The following KLHL36 variants were observed in gnomAD, a reference collection of about 807,000 sequenced individuals.
KLHL36 encodes kelch-like protein 36.
KLHL36 carries 35 observed loss-of-function variants against 53.3 expected under a neutral mutation model. That is an observed-to-expected ratio of 0.66 (90% CI 0.50 to 0.87). The LOEUF is 0.87. KLHL36 is among the 40% of genes least tolerant of loss of function. The probability of loss-of-function intolerance (pLI) is 0.00; values close to 1 mark genes in which losing one functional copy is unlikely to be tolerated. For synonymous variants in KLHL36, 472 were observed against 398.9 expected, an observed-to-expected ratio of 1.18 and a Z score of -2.18; for missense variants, 864 against 897.6, an observed-to-expected ratio of 0.96 and a Z score of 0.48.
At chr16:84,650,424 T>G (rs1337880131) in intron 1 of KLHL36, among the ~76,000 whole-genome samples, 2 of 152,170 alleles carry the variant, frequency 1.3e-5, no homozygotes, top group African/African-American at 2.4e-5. Flanking sequence ...GAGATCAATA[T>G]CCTCATCTGT....
chr16:84,650,666 A>G (rs1017267077), intron 1 of KLHL36, among the ~76,000 whole-genome samples, 186 bp from the exon 2 acceptor site: 1 of 152,094 alleles, frequency 6.6e-6, no homozygotes, highest in Non-Finnish European at 1.5e-5. Flanking sequence ...TGTTCTGTCC[A>G]ATTCTAACAA....
In KLHL36 at chr16:84,662,702, G is replaced by A. The variant is rs1907629406; in HGVS notation, c.*569G>A. 6.6e-6 allele frequency: 1 copy of A among 152,620 alleles called. No individual in the cohort carries two copies. Among genetic ancestry groups the A allele is most frequent in the South Asian group, 2.1e-4 (1 of 4,852 alleles). The allele number at this position is 152,620 out of a possible 1,614,324, so 9.5% of individuals were successfully genotyped here. Reference sequence around the variant, plus strand: ...TCCAGTGTGTTTGTTTTATAAATGAGTGCACAGAGACCACCCATGAGGGTG... The same window carrying A: ...TCCAGTGTGTTTGTTTTATAAATGAATGCACAGAGACCACCCATGAGGGTG... On this transcript the variant is annotated 3_prime_UTR_variant, in exon 5 of 5. Coordinates refer to ENST00000564996, the MANE Select transcript of KLHL36 (RefSeq NM_024731.4).
intron 2 of KLHL36, among the ~76,000 whole-genome samples, chr16:84,654,639 G>C (rs1907096737): frequency 6.7e-6 from 1 of 149,270 alleles, no homozygotes; most frequent in Non-Finnish European, 1.5e-5. Context: ...TTTTGTTTTT[G>C]AGATGGCGTT....
intron 2 of KLHL36, among the ~76,000 whole-genome samples, chr16:84,652,246 C>T (rs761606582): frequency 6.6e-6 from 1 of 152,010 alleles, no homozygotes; most frequent in East Asian, 1.9e-4. Context: ...TAGGACTAGG[C>T]TTCTGTATCA....
Position 84,657,211 on chromosome 16 carries a change from G to C in KLHL36, c.404G>C (p.Cys135Ser), listed in dbSNP as rs1907258772. ...CAGATCTGGACGGTGGTAGACTTCT[G>C]CTGTGAGTACCTGGAGCAGGAGGTG... ...LLQIWTVVDFCCEYLEQEVSE... is the reference protein window; with the variant it reads ...LLQIWTVVDFSCEYLEQEVSE... The change falls in exon 3 of 5, where the codon TGC (cysteine) becomes TCC (serine). Residue 135 changes from cysteine (C) to serine (S), a missense_variant. Physicochemically the swap from Cys to Ser is moderately radical, Grantham distance 112 (BLOSUM62 -1). Coordinates refer to ENST00000564996, the MANE Select transcript of KLHL36 (RefSeq NM_024731.4). 1 of 1,614,180 alleles carries C rather than the reference G, an allele frequency of 6.2e-7. No homozygotes were observed. Among genetic ancestry groups the C allele is most frequent in the African/African-American group, 1.3e-5 (1 of 75,070 alleles).
At chr16:84,653,474 G>A (rs1261637625) in intron 2 of KLHL36, among the ~76,000 whole-genome samples, 1 of 151,894 alleles carries the variant, frequency 6.6e-6, no homozygotes, top group Admixed American at 6.6e-5. Context: ...TTATAATTGG[G>A]AAATAGGCCA....
rs778618577 is a variant in KLHL36 at position 84,661,681 on chromosome 16, G to T, written c.1399G>T (p.Asp467Tyr). The T allele has an allele frequency of 6.2e-6, 10 of 1,613,612 alleles. No individual in the cohort carries two copies. The highest frequency in any genetic ancestry group is 8.5e-6 in the Non-Finnish European group (10 of 1,179,972). Residue 467 changes from aspartate (D) to tyrosine (Y), a missense_variant, in exon 5 of 5, where the codon GAC (aspartate) becomes TAC (tyrosine). Coordinates refer to ENST00000564996, the MANE Select transcript of KLHL36 (RefSeq NM_024731.4). This position sits in a 1 kb window ranked among gnomAD's most constrained non-coding sequence, Gnocchi z 7.9. ...CTACCGCAAGAACCTGCTATGCTACGACCACCGGACAGACGTGTGGGAGGA... is the reference window on the plus strand; with the variant it reads ...CTACCGCAAGAACCTGCTATGCTACTACCACCGGACAGACGTGTGGGAGGA... ...GPYRKNLLCY[D>Y]HRTDVWEERR...
Position 84,657,388 on chromosome 16 carries a change from G to A in KLHL36, c.581G>A (p.Cys194Tyr). Residue 194 changes from cysteine (C) to tyrosine (Y), a missense_variant, in exon 3 of 5, where the codon TGT (cysteine) becomes TAT (tyrosine). Cys to Tyr is a radical substitution (Grantham distance 194, BLOSUM62 -2). Transcript: ENST00000564996. The stretch of plus-strand genomic sequence containing the variant: ...CAGAACGTCTCCATGCAGAAGCTGT[G>A]TGTCTACCTGAGCAGCAGCGAGGTG... ...FLQNVSMQKL[C>Y]VYLSSSEVQR... The A allele has an allele frequency of 6.2e-7, 1 of 1,609,258 alleles. No homozygotes were observed.
rs1437316920 is a variant in KLHL36 at position 84,657,301 on chromosome 16, CCTTCATCGATGG to C, written c.502_513del (p.Asp168_Ile171del). ...ATCTACAGCCTCAAGCGGCTTGATG[CCTTCATCGATGG>C]CTTCATCCTGAACCACTTCGGCACG... On this transcript the variant is annotated inframe_deletion, in exon 3 of 5. Transcript: ENST00000564996. 1 of 1,613,820 alleles carries C rather than the reference CCTTCATCGATGG, an allele frequency of 6.2e-7. No individual in the cohort carries two copies. The highest frequency in any genetic ancestry group is 2.2e-5 in the East Asian group (1 of 44,904).
intron 4 of KLHL36, 93 bp downstream of exon 4, chr16:84,660,010 T>C (rs1338627890): frequency 3.2e-6 from 4 of 1,233,596 alleles, no homozygotes; most frequent in Non-Finnish European, 3.4e-6. Context: ...CATGTTGGCC[T>C]CCAATTCCAG....
rs1389262448 is a variant in KLHL36, at chr16:84,666,166, A to G, written c.*4033A>G. ...ATCTGCCAAGCCTGGCAGTTTTTAG[A>G]GTTTTTTGAAATGTTTTGATACTTT... On this transcript the variant is annotated 3_prime_UTR_variant, in exon 5 of 5. Coordinates refer to ENST00000564996, the MANE Select transcript of KLHL36 (RefSeq NM_024731.4). 6.6e-6 allele frequency: 1 copy of G among 152,128 alleles called. No homozygotes were observed. Among genetic ancestry groups the G allele is most frequent in the Non-Finnish European group, 1.5e-5 (1 of 68,006 alleles). 9.4% of individuals were successfully genotyped at this position (152,128 alleles called of 1,614,324 possible).
intron 2 of KLHL36, among the ~76,000 whole-genome samples, chr16:84,652,287 T>C (rs1023922178): frequency 2.0e-5 from 3 of 152,036 alleles, no homozygotes; most frequent in South Asian, 2.1e-4. Flanking sequence ...TTTTTTTTTT[T>C]CGAGACAGGG....
chr16:84,655,601 G>A (rs1325896437), intron 2 of KLHL36, among the ~76,000 whole-genome samples: 2 of 151,738 alleles, frequency 1.3e-5, no homozygotes, highest in African/African-American at 4.8e-5. Flanking sequence ...CTACTCAGGA[G>A]GCTGAGGTGG....
At chr16:84,649,220 C>T (rs1946961486) in intron 1 of KLHL36, 1 of 152,396 alleles carries the variant, frequency 6.6e-6, no homozygotes, top group Admixed American at 6.5e-5. Flanking sequence ...CAAAAAGCGT[C>T]GGAGGCCGCT....
intron 3 of KLHL36, 138 bp downstream of exon 3, chr16:84,658,082 C>A: frequency 1.4e-6 from 1 of 694,728 alleles, no homozygotes; most frequent in Non-Finnish European, 2.3e-6. Context: ...AAGTGACGAG[C>A]AGAATACCCC....
In KLHL36 at chr16:84,666,558, C is replaced by T. The variant is rs1377282596; in HGVS notation, c.*4425C>T. ...TGGTCCACGTCTCACCTTTGCCATA[C>T]GGGTCATTTCTTGATCAAATATATG... On this transcript the variant is annotated 3_prime_UTR_variant, in exon 5 of 5. Transcript: ENST00000564996. The T allele has an allele frequency of 6.6e-6, 1 of 152,170 alleles. No individual in the cohort carries two copies. The highest frequency in any genetic ancestry group is 1.5e-5 in the Non-Finnish European group (1 of 68,040). 9.4% of individuals were successfully genotyped at this position (152,170 alleles called of 1,614,324 possible). A position where few individuals can be genotyped will look rare whatever the true frequency, so the allele number is the denominator to read the frequency against.
In KLHL36 at chr16:84,663,654, G is replaced by C. The variant is rs1907684938; in HGVS notation, c.*1521G>C. On this transcript the variant is annotated 3_prime_UTR_variant, in exon 5 of 5. Coordinates refer to ENST00000564996, the MANE Select transcript of KLHL36 (RefSeq NM_024731.4). Reference sequence around the variant, plus strand: ...GGTCTCGATGTCACTTGCCCTTTAAGAGGGCTCTCAGCTGCTCGAGTGGAT... The same window carrying C: ...GGTCTCGATGTCACTTGCCCTTTAACAGGGCTCTCAGCTGCTCGAGTGGAT... 1 of 152,252 alleles carries C rather than the reference G, an allele frequency of 6.6e-6. No homozygotes were observed. Among genetic ancestry groups the C allele is most frequent in the African/African-American group, 2.4e-5 (1 of 41,464 alleles). 9.4% of individuals were successfully genotyped at this position (152,252 alleles called of 1,614,324 possible).
At chr16:84,649,226 C>G (rs1367625256) in intron 1 of KLHL36, 2 of 152,438 alleles carry the variant, frequency 1.3e-5, no homozygotes, top group African/African-American at 4.8e-5. Context: ...GCGTCGGAGG[C>G]CGCTGACGTC....
chr16:84,654,767 C>T (rs919189139), intron 2 of KLHL36, among the ~76,000 whole-genome samples: 1 of 152,162 alleles, frequency 6.6e-6, no homozygotes, highest in Non-Finnish European at 1.5e-5. Context: ...CCCGCCACCA[C>T]AACCAGCTAA....
Sources: gnomAD v4.1 joint callset for allele counts (sites outside exome capture counted in the v4.1 genomes callset) on GRCh38, gnomAD v4.1.1 for gene constraint, Gnocchi (gnomAD v3.1) non-coding constraint, MANE v1.5 for transcripts, NCBI Gene and HGNC (gene_info 2026-07-23, HGNC 2026-07-21) for gene names.